The following FGD6 variants were observed in gnomAD, a reference collection of about 807,000 sequenced individuals.
FGD6 encodes the protein FYVE, RhoGEF and PH domain-containing protein 6.
Under a neutral mutation model 149.4 loss-of-function variants are expected in FGD6, and 90 were observed. The observed-to-expected ratio is 0.60, with a 90% CI of 0.51 to 0.72. The LOEUF (loss-of-function observed/expected upper bound fraction) is 0.72. Ranked by LOEUF, FGD6 falls within the 30% of genes least tolerant of loss-of-function variation. The pLI is 0.00. For missense variants in FGD6, 1,437 were observed against 1,684.8 expected, an observed-to-expected ratio of 0.85 and a Z score of 2.57; for synonymous variants, 527 against 584.0, an observed-to-expected ratio of 0.90 and a Z score of 1.41.
chr12:95,076,819 A>G lies in FGD6; in HGVS notation c.*4701T>C, dbSNP rs1877507739. On this transcript the variant is annotated 3_prime_UTR_variant, in exon 21 of 21. Coordinates refer to ENST00000343958, the MANE Select transcript of FGD6 (RefSeq NM_018351.4). ...TTACAATGCTAATTTTTTTATTTATAAAGTATATATGGACAAAAAGATACA... is the reference window on the plus strand; with the variant it reads ...TTACAATGCTAATTTTTTTATTTATGAAGTATATATGGACAAAAAGATACA... 1 of 77,582 alleles carries G rather than the reference A, an allele frequency of 1.3e-5. No individual in the cohort carries two copies. Among genetic ancestry groups the G allele is most frequent in the Non-Finnish European group, 2.8e-5 (1 of 36,214 alleles). 4.8% of individuals were successfully genotyped at this position (77,582 alleles called of 1,614,324 possible). A position where few individuals can be genotyped will look rare whatever the true frequency, so the allele number is the denominator to read the frequency against.
intron 3 of FGD6, among the ~76,000 whole-genome samples, chr12:95,168,234 A>C (rs1471190213): frequency 6.6e-6 from 1 of 152,220 alleles, no homozygotes; most frequent in African/African-American, 2.4e-5. Flanking sequence ...ACAAAATACT[A>C]CCTTACATGT....
intron 3 of FGD6, among the ~76,000 whole-genome samples, chr12:95,154,698 G>C (rs976990024): frequency 2.0e-5 from 3 of 152,144 alleles, no homozygotes; most frequent in Non-Finnish European, 4.4e-5. Flanking sequence ...CCAGGACACG[G>C]TTATTTTGTG....
At chr12:95,183,825 A>G (rs1881349183) in intron 2 of FGD6, among the ~76,000 whole-genome samples, 1 of 152,228 alleles carries the variant, frequency 6.6e-6, no homozygotes, top group Admixed American at 6.5e-5. Flanking sequence ...TGACAGAGCA[A>G]GAACCTGTCT....
intron 2 of FGD6, among the ~76,000 whole-genome samples, chr12:95,208,186 A>C (rs2056702372): frequency 6.6e-6 from 1 of 152,114 alleles, no homozygotes; most frequent in Non-Finnish European, 1.5e-5. Context: ...TGGGGAGTCG[A>C]GGCTGCAGTA....
chr12:95,098,078 C>T (rs1420118298), intron 14 of FGD6, among the ~76,000 whole-genome samples: 1 of 152,096 alleles, frequency 6.6e-6, no homozygotes, highest in African/African-American at 2.4e-5. Context: ...CCCTACTTCC[C>T]TCTGAAATCC....
At chr12:95,201,612 G>A (rs2056663001) in intron 2 of FGD6, among the ~76,000 whole-genome samples, 2 of 152,200 alleles carry the variant, frequency 1.3e-5, no homozygotes, top group African/African-American at 4.8e-5. Flanking sequence ...GTCATTACAA[G>A]AAGTGCAAAT....
At chr12:95,158,888 T>C (rs995230116) in intron 3 of FGD6, among the ~76,000 whole-genome samples, 27 of 149,388 alleles carry the variant, frequency 1.8e-4, no homozygotes, top group African/African-American at 6.7e-4. Context: ...AATAATAACA[T>C]AAATAAAATT....
At position 95,085,786 on chromosome 12, in the gene FGD6, T is replaced by C; in HGVS notation, c.4101A>G (p.Ala1367=). ...IKNKVLYTYA[A]SEDVAALESQ... Reference sequence around the variant, plus strand: ...TTTAGATTTCAGATCTTACCTCACTTGCAGCATATGTATATAGTACTTTAT... The same window carrying C: ...TTTAGATTTCAGATCTTACCTCACTCGCAGCATATGTATATAGTACTTTAT... The change falls in exon 19 of 21, where the codon GCA becomes GCG. Residue 1367 remains alanine, a synonymous_variant. Transcript: ENST00000343958. 6.2e-7 allele frequency: 1 copy of C among 1,603,070 alleles called. No individual in the cohort carries two copies. The highest frequency in any genetic ancestry group is 1.1e-5 in the South Asian group (1 of 87,120).
chr12:95,118,365 A>AGAG (rs1399259564), intron 8 of FGD6, among the ~76,000 whole-genome samples: 5 of 147,704 alleles, frequency 3.4e-5, no homozygotes, highest in African/African-American at 1.0e-4. Flanking sequence ...AAAAAAAAGA[A>AGAG]AGAGAGAGAG....
intron 2 of FGD6, among the ~76,000 whole-genome samples, chr12:95,185,375 T>G (rs565343798): frequency 8.5e-5 from 13 of 152,250 alleles, no homozygotes; most frequent in Non-Finnish European, 2.9e-5. Flanking sequence ...AAAATAAACA[T>G]TCGCTTCTGA....
intron 16 of FGD6, 136 bp from the exon 17 acceptor site, chr12:95,091,945 A>G (rs1003886767): frequency 9.3e-6 from 6 of 645,106 alleles, no homozygotes; most frequent in Middle Eastern, 4.2e-4. Context: ...CTTCGTCTCA[A>G]TAATAACTCT....
chr12:95,104,721 G>A (rs1054340256), intron 14 of FGD6, among the ~76,000 whole-genome samples: 1 of 152,048 alleles, frequency 6.6e-6, no homozygotes, highest in African/African-American at 2.4e-5. Context: ...GGTATTACAG[G>A]GGTGAGCTAC....
intron 1 of FGD6, among the ~76,000 whole-genome samples, chr12:95,214,296 A>G (rs2056741705): frequency 6.6e-6 from 1 of 152,218 alleles, no homozygotes; most frequent in Non-Finnish European, 1.5e-5. Flanking sequence ...ATGTACATCC[A>G]TTTTAATGTA....
intron 8 of FGD6, among the ~76,000 whole-genome samples, chr12:95,119,696 C>T (rs1033904593): frequency 3.3e-5 from 5 of 152,034 alleles, no homozygotes; most frequent in Non-Finnish European, 5.9e-5. Context: ...TTTGGGAGGC[C>T]GAAGTGGGCA....
In FGD6 at chr12:95,182,212, T is replaced by C. The variant is rs1363767209; in HGVS notation, c.2442-9468A>G. Among the ~76,000 whole-genome samples the C allele has an allele frequency of 6.5e-5, 9 of 139,364 alleles. No individual in the cohort carries two copies. The East Asian group carries it at 1.8e-3, about 28-fold the overall frequency. The allele number at this position is 139,364 out of a possible 152,430, so 91.4% of individuals were successfully genotyped here. On this transcript the variant is annotated intron_variant, in intron 2 of 20. Transcript: ENST00000343958. ...ATACACATATTTACACATATATATG[T>C]ATACATACTTTTTTTTTTTTTTTTT...
At chr12:95,093,113 C>T (rs1878120217) in intron 15 of FGD6, among the ~76,000 whole-genome samples, 1 of 152,090 alleles carries the variant, frequency 6.6e-6, no homozygotes, top group African/African-American at 2.4e-5. Flanking sequence ...CCCAGCTACT[C>T]AGGAGGCTGA....
At chr12:95,149,293 A>ATATAT (rs1880204376) in intron 5 of FGD6, among the ~76,000 whole-genome samples, 1 of 92,088 alleles carries the variant, frequency 1.1e-5, no homozygotes, top group Non-Finnish European at 1.9e-5. Context: ...ATATAATATT[A>ATATAT]TATATAATAT....
At position 95,210,876 on chromosome 12, in the gene FGD6, C is replaced by G; in HGVS notation, c.408G>C (p.Leu136=). The G allele has an allele frequency of 6.2e-7, 1 of 1,612,222 alleles. No homozygotes were observed. Among genetic ancestry groups the G allele is most frequent in the Non-Finnish European group, 8.5e-7 (1 of 1,179,600 alleles). Residue 136 remains leucine (L), a synonymous_variant, in exon 2 of 21, where the codon CTG becomes CTC. Transcript: ENST00000343958. ...LCVKQLVLEP[L]EMNENLENSK... ...TGTTTTCTAAATTTTCATTCATTTC[C>G]AGGGGCTCTAAAACAAGCTGCTTTA... is the stretch of plus-strand genomic sequence containing the variant.
rs6538618 is a variant in FGD6 at position 95,217,409 on chromosome 12, T to C, written c.-169A>G. 522,476 of 1,114,142 alleles carry C rather than the reference T, an allele frequency of 0.47. 124,277 individuals are homozygous for C. Among genetic ancestry groups the C allele is most frequent in the African/African-American group, 0.57 (34,538 of 60,310 alleles). 69.0% of individuals were successfully genotyped at this position (1,114,142 alleles called of 1,614,324 possible). On this transcript the variant is annotated 5_prime_UTR_variant, in exon 1 of 21. Transcript: ENST00000343958. ...GCCACACAAAGGACGCGGCCGACTCTAGCGACCCTGCGGCGCTCCCGGGCG... is the reference window on the plus strand; with the variant it reads ...GCCACACAAAGGACGCGGCCGACTCCAGCGACCCTGCGGCGCTCCCGGGCG...
Sources: allele counts gnomAD v4.1 joint callset (sites outside exome capture counted in the v4.1 genomes callset), GRCh38; gene constraint gnomAD v4.1.1; transcripts MANE v1.5; gene names NCBI Gene and HGNC (gene_info 2026-07-23, HGNC 2026-07-21).